The following LYST variants were observed in gnomAD, a reference collection of about 807,000 sequenced individuals.
The protein encoded by LYST is lysosomal-trafficking regulator.
LYST carries 192 observed loss-of-function variants against 413.6 expected under a neutral mutation model. That is an observed-to-expected ratio of 0.46 (90% CI 0.41 to 0.52). The LOEUF (loss-of-function observed/expected upper bound fraction) is 0.52. Ranked by LOEUF, LYST falls within the 20% of genes least tolerant of loss-of-function variation. LYST has a pLI of 0.00. For synonymous variants in LYST, 1,525 were observed against 1,567.3 expected (o/e 0.97, Z 0.64); for missense variants, 3,815 against 4,499.9 (o/e 0.85, Z 4.35).
chr1:235,876,144 C>A (rs935177947), intron 1 of LYST, among the ~76,000 whole-genome samples: 2 of 152,014 alleles, frequency 1.3e-5, no homozygotes, highest in Non-Finnish European at 2.9e-5. Context: ...ATCACTTGAA[C>A]CTGGGAGGGA....
intron 43 of LYST, among the ~76,000 whole-genome samples, chr1:235,710,726 T>A (rs1205830156): frequency 1.3e-5 from 2 of 152,148 alleles, no homozygotes; most frequent in Non-Finnish European, 2.9e-5. Flanking sequence ...CCTCAATGAA[T>A]AGGAAGAATA....
chr1:235,747,644 C>T lies in LYST; in HGVS notation c.7781-1117G>A, dbSNP rs544893368. Among the ~76,000 whole-genome samples, 12 of 152,264 alleles carry T rather than the reference C, an allele frequency of 7.9e-5. No individual in the cohort carries two copies. In the South Asian group the frequency reaches 1.2e-3, roughly 16 times the overall value. On this transcript the variant is annotated intron_variant, in intron 28 of 52. Transcript: ENST00000389793. ...TCTTCCTAATGTCTACATCTGACAG[C>T]TTTCATGCTGTACGTGCAGCTGATG...
At chr1:235,845,325 A>G (rs1260343830) in intron 1 of LYST, among the ~76,000 whole-genome samples, 1 of 152,176 alleles carries the variant, frequency 6.6e-6, no homozygotes, top group Non-Finnish European at 1.5e-5. Flanking sequence ...ATGCAGCAGA[A>G]AGGCCCTGGG....
rs944911447 is a variant in LYST at position 235,842,858 on chromosome 1, CTTA to C, written c.-97-9194_-97-9192del. On this transcript the variant is annotated intron_variant, in intron 1 of 52. Coordinates refer to ENST00000389793, the MANE Select transcript of LYST (RefSeq NM_000081.4). ...CCAGTTCTGTGATTAATTTCCACAA[CTTA>C]TTATCCACCTAAAAGATTACAGAAT... Among the ~76,000 whole-genome samples the C allele has an allele frequency of 5.3e-4, 80 of 152,282 alleles. 1 individual carries two copies. The highest frequency in any genetic ancestry group is 1.8e-3 in the African/African-American group (75 of 41,544).
chr1:235,733,751 T>C, intron 33 of LYST, 60 bp from the exon 34 acceptor site: 3 of 1,520,138 alleles, frequency 2.0e-6, no homozygotes, highest in Non-Finnish European at 1.8e-6. Flanking sequence ...TATCAGAACA[T>C]GATACTTTAA....
At chr1:235,875,224 C>A (rs1681086807) in intron 1 of LYST, among the ~76,000 whole-genome samples, 1 of 152,128 alleles carries the variant, frequency 6.6e-6, no homozygotes, top group Non-Finnish European at 1.5e-5. Context: ...GGAAGGCAGG[C>A]AGGTGGGTGG....
intron 1 of LYST, among the ~76,000 whole-genome samples, chr1:235,877,894 A>G (rs1317823781): frequency 6.6e-6 from 1 of 151,314 alleles, no homozygotes; most frequent in Non-Finnish European, 1.5e-5. Flanking sequence ...ACACATTGAT[A>G]TTGGAGCAAA....
rs1054987818 is a variant in LYST, at chr1:235,804,541, G to A, written c.3518C>T (p.Ser1173Leu). ...AGCATCATTATGTTCAAAATCTGCT[G>A]AATAATTCCCGAGGGCAACTCGAAG... ...ALLRVALGNY[S>L]ADFEHNDAMT... Residue 1173 changes from serine to leucine, a missense_variant, in exon 7 of 53, where the codon TCA (serine) becomes TTA (leucine). Ser to Leu is a moderately radical substitution (Grantham distance 145). Transcript: ENST00000389793. 7 of 1,613,584 alleles carry A rather than the reference G, an allele frequency of 4.3e-6. No individual in the cohort carries two copies. Among genetic ancestry groups the A allele is most frequent in the Admixed American group, 3.3e-5 (2 of 59,976 alleles).
intron 50 of LYST, among the ~76,000 whole-genome samples, chr1:235,667,895 C>T (rs1658627210): frequency 6.6e-6 from 1 of 152,098 alleles, no homozygotes; most frequent in Admixed American, 6.6e-5. Flanking sequence ...ATCTCCTGAT[C>T]TCGTGATCTA....
At chr1:235,682,976 G>A (rs1190236255) in intron 48 of LYST, among the ~76,000 whole-genome samples, 4 of 152,174 alleles carry the variant, frequency 2.6e-5, no homozygotes, top group Non-Finnish European at 1.5e-5. Flanking sequence ...AAAGTTTTAG[G>A]TCATTCTCCT....
At chr1:235,816,127 T>C (rs1572355439) in intron 3 of LYST, among the ~76,000 whole-genome samples, 5 of 10,142 alleles carry the variant, frequency 4.9e-4, no homozygotes, top group Non-Finnish European at 7.1e-4. Flanking sequence ...AGACTCCATC[T>C]CAAAAAAAAA....
intron 21 of LYST, 108 bp from the exon 22 acceptor site, chr1:235,762,959 A>G (rs1218701607): frequency 2.4e-6 from 2 of 828,190 alleles, no homozygotes; most frequent in Non-Finnish European, 2.0e-6. Flanking sequence ...AAAGATGTTT[A>G]AAGAGAAAAA....
At chr1:235,812,692 T>C (rs1673587025) in intron 4 of LYST, among the ~76,000 whole-genome samples, 1 of 152,182 alleles carries the variant, frequency 6.6e-6, no homozygotes, top group Admixed American at 6.5e-5. Flanking sequence ...TCTGATGTTA[T>C]GCTGCACACC....
intron 47 of LYST, among the ~76,000 whole-genome samples, chr1:235,688,766 T>C (rs4373748): frequency 0.54 from 82,034 of 151,656 alleles, 23,980 homozygotes; most frequent in African/African-American, 0.72. Context: ...GGGCGGATCA[T>C]GAGGTCAGGA....
chr1:235,758,241 G>A (rs1286005978), intron 23 of LYST, among the ~76,000 whole-genome samples: 2 of 152,170 alleles, frequency 1.3e-5, no homozygotes, highest in African/African-American at 4.8e-5. Context: ...CCAAAGCAAG[G>A]TCATCTGTGT....
At chr1:235,712,034 T>C in intron 43 of LYST, 23 bp downstream of exon 43, 1 of 1,498,964 alleles carries the variant, frequency 6.7e-7, no homozygotes, top group Non-Finnish European at 9.0e-7. Flanking sequence ...GAAATATAAA[T>C]TAAAAATAAT....
At position 235,663,016 on chromosome 1, in the gene LYST, G is replaced by A. The variant is rs1168027477; in HGVS notation, c.11330C>T (p.Ala3777Val). 5 of 1,613,984 alleles carry A rather than the reference G, an allele frequency of 3.1e-6. No homozygotes were observed. Among genetic ancestry groups the A allele is most frequent in the Non-Finnish European group, 4.2e-6 (5 of 1,179,964 alleles). Residue 3777 changes from alanine (A) to valine (V), a missense_variant, in exon 53 of 53, where the codon GCC (alanine) becomes GTC (valine). This residue lies in a region of LYST where 866 missense variants were observed against 1,156.0 expected (regional missense o/e 0.75). Transcript: ENST00000389793. ...GCGCTGCTGGTCCTTCCGACACCAG[G>A]CAATCACGGTCCCATCACTGTTTGC... ...YTANSDGTVI[A>V]WCRKDQQRLK...
chr1:235,787,139 G>T, intron 14 of LYST, 61 bp downstream of exon 14: 1 of 1,256,512 alleles, frequency 8.0e-7, no homozygotes, highest in South Asian at 1.2e-5. Context: ...AGCTATAATT[G>T]ACTAATGAAA....
intron 34 of LYST, among the ~76,000 whole-genome samples, chr1:235,732,081 G>A (rs1041284474): frequency 2.0e-5 from 3 of 150,114 alleles, no homozygotes; most frequent in African/African-American, 7.4e-5. Flanking sequence ...TTTTTAAAAC[G>A]TGCATCTGTT....
Sources: allele counts gnomAD v4.1 joint callset (sites outside exome capture counted in the v4.1 genomes callset), GRCh38; gene constraint gnomAD v4.1.1; regional missense constraint gnomAD v4.1.1; transcripts MANE v1.5; gene names NCBI Gene and HGNC (gene_info 2026-07-23, HGNC 2026-07-21).